Variants in VCPIP1 observed in about 807,000 individuals in gnomAD.
The protein encoded by VCPIP1 is deubiquitinating protein VCPIP1.
VCPIP1 carries 8 observed loss-of-function variants against 85.0 expected under a neutral mutation model. The observed-to-expected ratio is 0.09, with a 90% confidence interval of 0.06 to 0.17. The LOEUF is 0.17. Among genes scored for constraint, VCPIP1 ranks in the 10% least tolerant of loss-of-function variants. The pLI is 1.00. For missense variants in VCPIP1, 1,070 were observed against 1,486.3 expected (o/e 0.72, Z 4.61); for synonymous variants, 543 against 544.5 (o/e 1.00, Z 0.04).
At chr8:66,639,960 G>C (rs1016055323) in intron 2 of VCPIP1, among the ~76,000 whole-genome samples, 4 of 152,048 alleles carry the variant, frequency 2.6e-5, no homozygotes, top group African/African-American at 9.7e-5. Flanking sequence ...GAGCATAGAG[G>C]GTGGGAGGAG....
chr8:66,651,428 T>C (rs1811052796), intron 2 of VCPIP1, 30 bp downstream of exon 2: 2 of 1,505,670 alleles, frequency 1.3e-6, no homozygotes, highest in Admixed American at 1.9e-5. Flanking sequence ...GTAGAGCTAT[T>C]ATTTAAGAAT....
At position 66,629,294 on chromosome 8, in the gene VCPIP1, T is replaced by C. The variant is rs1586618540; in HGVS notation, c.*5207A>G. 1 of 152,140 alleles carries C rather than the reference T, an allele frequency of 6.6e-6. No individual in the cohort carries two copies. Among genetic ancestry groups the C allele is most frequent in the South Asian group, 2.1e-4 (1 of 4,820 alleles). The allele number at this position is 152,140 out of a possible 1,614,324, so 9.4% of individuals were successfully genotyped here. ...GGAGTCAGACCTAGGCAGTCTGGTG[T>C]CTAAGGCTATACTCTAAATTATTGA... On this transcript the variant is annotated 3_prime_UTR_variant, in exon 3 of 3. Coordinates refer to ENST00000310421, the MANE Select transcript of VCPIP1 (RefSeq NM_025054.5).
In VCPIP1 at chr8:66,664,376, A is replaced by C; in HGVS notation, c.2583T>G (p.Ala861=). ...LKSKAEGGQS[A]AAHSAHTVKQ... ...TCACAGTGTGGGCTGAGTGTGCTGCAGCAGACTGACCACCTTCAGCTTTAC... is the reference window on the plus strand; with the variant it reads ...TCACAGTGTGGGCTGAGTGTGCTGCCGCAGACTGACCACCTTCAGCTTTAC... Residue 861 remains alanine, a synonymous_variant, in exon 1 of 3, where the codon GCT becomes GCG. Coordinates refer to ENST00000310421, the MANE Select transcript of VCPIP1 (RefSeq NM_025054.5). 1 of 1,613,866 alleles carries C rather than the reference A, an allele frequency of 6.2e-7. No individual in the cohort carries two copies. Among genetic ancestry groups the C allele is most frequent in the Non-Finnish European group, 8.5e-7 (1 of 1,179,708 alleles).
intron 2 of VCPIP1, among the ~76,000 whole-genome samples, chr8:66,647,952 A>AT (rs1811012602): frequency 1.3e-5 from 2 of 149,296 alleles, no homozygotes; most frequent in Non-Finnish European, 2.9e-5. Flanking sequence ...TTTTTTATAT[A>AT]TTTTTTATAT....
At chr8:66,638,964 C>A (rs1017559490) in intron 2 of VCPIP1, among the ~76,000 whole-genome samples, 1,672 of 132,464 alleles carry the variant, frequency 0.013, 21 homozygotes, top group African/African-American at 0.023. Flanking sequence ...CTCTCTCTCT[C>A]TCTCTCTATA....
intron 2 of VCPIP1, among the ~76,000 whole-genome samples, chr8:66,643,884 CAAAA>C (rs35921029): frequency 1.8e-4 from 13 of 70,510 alleles, no homozygotes. Context: ...AATGGACAGC[CAAAA>C]AAAAAAAAAA....
rs200990800 is a variant in VCPIP1 at position 66,634,947 on chromosome 8, A to C, written c.3223T>G (p.Ser1075Ala). Residue 1075 changes from serine (S) to alanine (A), a missense_variant, in exon 3 of 3, where the codon TCT becomes GCT. Around this residue, in one of 8 missense-constraint regions of VCPIP1, gnomAD observed 255 missense variants for 289.5 expected, o/e 0.88. Coordinates refer to ENST00000310421, the MANE Select transcript of VCPIP1 (RefSeq NM_025054.5). ...CGAATAAGCTCACTATTACTAGAAG[A>C]AGCTGTGAATACAGAAGGCTCTGTT... Reference protein sequence around the residue: ...TKTEPSVFTASSSNSELIRIA... With the variant: ...TKTEPSVFTAASSNSELIRIA... 50 of 1,613,512 alleles carry C rather than the reference A, an allele frequency of 3.1e-5. No homozygotes were observed. The African/African-American group carries it at 5.1e-4, about 16-fold the overall frequency.
Position 66,666,859 on chromosome 8 carries a change from C to A in VCPIP1, c.100G>T (p.Gly34Trp), listed in dbSNP as rs377192740. ...CGGTCTCTCCGCTTCAAAAGCCCCC[C>A]CGAAGCAGCCGCCGACGCCAAGGAC... ...PSSLASAAAS[G>W]GLLKRRDRRI... The change falls in exon 1 of 3, where the codon GGG (glycine) becomes TGG (tryptophan). Residue 34 changes from glycine (G) to tryptophan (W), a missense_variant. This residue lies in a region of VCPIP1 where 164 missense variants were observed against 158.6 expected (regional missense o/e 1.03). Coordinates refer to ENST00000310421, the MANE Select transcript of VCPIP1 (RefSeq NM_025054.5). This position sits in a 1 kb window ranked among gnomAD's most constrained non-coding sequence, Gnocchi z 6.3. 3 of 1,613,002 alleles carry A rather than the reference C, an allele frequency of 1.9e-6. No homozygotes were observed. The highest frequency in any genetic ancestry group is 2.2e-5 in the East Asian group (1 of 44,886).
At chr8:66,654,862 G>A (rs907243635) in intron 1 of VCPIP1, among the ~76,000 whole-genome samples, 5 of 152,142 alleles carry the variant, frequency 3.3e-5, no homozygotes, top group Admixed American at 6.6e-5. Flanking sequence ...CCCCAATGCC[G>A]TATGGCAAAG....
intron 1 of VCPIP1, among the ~76,000 whole-genome samples, chr8:66,660,978 G>C (rs943911431): frequency 1.2e-4 from 19 of 152,044 alleles, no homozygotes; most frequent in African/African-American, 4.1e-4. Context: ...AGGAGGCAGA[G>C]GTTGCAGTGA....
Position 66,666,700 on chromosome 8 carries a change from C to T in VCPIP1, c.259G>A (p.Glu87Lys). ...HEQQQLLGVE[E>K]VTDPDVVLHN... ...AGCACTACGTCCGGGTCGGTCACCT[C>T]CTCAACCCCCAGCAGCTGTTGCTGC... Residue 87 changes from glutamate to lysine, a missense_variant, in exon 1 of 3, where the codon GAG (glutamate) becomes AAG (lysine). Coordinates refer to ENST00000310421, the MANE Select transcript of VCPIP1 (RefSeq NM_025054.5). The surrounding 1 kb of genome is among the most constrained non-coding windows in gnomAD (Gnocchi z 6.3). The T allele has an allele frequency of 6.2e-7, 1 of 1,614,182 alleles. No individual in the cohort carries two copies. The highest frequency in any genetic ancestry group is 1.1e-5 in the South Asian group (1 of 91,080).
chr8:66,649,429 C>T (rs978931409), intron 2 of VCPIP1, among the ~76,000 whole-genome samples: 1 of 151,876 alleles, frequency 6.6e-6, no homozygotes, highest in Admixed American at 6.6e-5. Flanking sequence ...GGAGGATCAC[C>T]TAAGCCCAGG....
rs1810860668 is a variant in VCPIP1 at position 66,634,100 on chromosome 8, T to G, written c.*401A>C. 1 of 158,024 alleles carries G rather than the reference T, an allele frequency of 6.3e-6. No individual in the cohort carries two copies. The highest frequency in any genetic ancestry group is 1.4e-5 in the Non-Finnish European group (1 of 71,856). The allele number at this position is 158,024 out of a possible 1,614,324, so 9.8% of individuals were successfully genotyped here. A position where few individuals can be genotyped will look rare whatever the true frequency, so the allele number is the denominator to read the frequency against. ...AACCTTTTGACACTAGTATATGAGA[T>G]GGTTACCTTGATGACATCAACATTA... On this transcript the variant is annotated 3_prime_UTR_variant, in exon 3 of 3. Coordinates refer to ENST00000310421, the MANE Select transcript of VCPIP1 (RefSeq NM_025054.5).
At chr8:66,638,970 C>CTCTCTCTCTATATA in intron 2 of VCPIP1, among the ~76,000 whole-genome samples, 22 of 118,430 alleles carry the variant, frequency 1.9e-4, no homozygotes, top group African/African-American at 8.2e-4. Context: ...CTCTCTCTCT[C>CTCTCTCTCTATATA]TATATATATA....
chr8:66,637,093 C>G (rs2454666), intron 2 of VCPIP1, among the ~76,000 whole-genome samples: 3 of 152,022 alleles, frequency 2.0e-5, no homozygotes, highest in Non-Finnish European at 4.4e-5. Context: ...CATTGGGAGG[C>G]TGAGGCGGGA....
intron 1 of VCPIP1, among the ~76,000 whole-genome samples, chr8:66,662,491 G>T (rs1811167236): frequency 6.6e-6 from 1 of 151,876 alleles, no homozygotes; most frequent in Non-Finnish European, 1.5e-5. Flanking sequence ...CTGTGTTAAT[G>T]TCATCTATTT....
chr8:66,632,616 A>G lies in VCPIP1; in HGVS notation c.*1885T>C, dbSNP rs546278089. Reference sequence around the variant, plus strand: ...AAGAAAATATTTGTTAAAGAAGATTATATCATTTTACATGAAAGCAGTGCA... The same window carrying G: ...AAGAAAATATTTGTTAAAGAAGATTGTATCATTTTACATGAAAGCAGTGCA... On this transcript the variant is annotated 3_prime_UTR_variant, in exon 3 of 3. Coordinates refer to ENST00000310421, the MANE Select transcript of VCPIP1 (RefSeq NM_025054.5). The G allele has an allele frequency of 7.9e-5, 12 of 152,276 alleles. No homozygotes were observed. Among genetic ancestry groups the G allele is most frequent in the Non-Finnish European group, 1.3e-4 (9 of 67,940 alleles). The allele number at this position is 152,276 out of a possible 1,614,324, so 9.4% of individuals were successfully genotyped here. A position where few individuals can be genotyped will look rare whatever the true frequency, so the allele number is the denominator to read the frequency against.
chr8:66,647,183 C>T (rs1444005084), intron 2 of VCPIP1, among the ~76,000 whole-genome samples: 1 of 151,424 alleles, frequency 6.6e-6, no homozygotes, highest in Non-Finnish European at 1.5e-5. Context: ...TCTACTAAAA[C>T]TACAAAAATT....
At chr8:66,655,559 A>C (rs1318448096) in intron 1 of VCPIP1, among the ~76,000 whole-genome samples, 1 of 152,228 alleles carries the variant, frequency 6.6e-6, no homozygotes, top group African/African-American at 2.4e-5. Context: ...AATCCAGAAT[A>C]AACTTAATCG....
Sources: gnomAD v4.1 joint callset for allele counts (sites outside exome capture counted in the v4.1 genomes callset) on GRCh38, gnomAD v4.1.1 for gene constraint, gnomAD v4.1.1 regional missense constraint, Gnocchi (gnomAD v3.1) non-coding constraint, MANE v1.5 for transcripts, NCBI Gene and HGNC (gene_info 2026-07-23, HGNC 2026-07-21) for gene names.